POLR1A: variants seen among roughly 807,000 people sequenced by gnomAD.
POLR1A encodes the protein DNA-directed RNA polymerase I subunit RPA1.
POLR1A carries 84 observed loss-of-function variants against 205.3 expected under a neutral mutation model. The observed-to-expected ratio is 0.41, with a 90% CI of 0.34 to 0.49. The LOEUF is 0.49. Ranked by LOEUF, POLR1A falls within the 20% of genes least tolerant of loss-of-function variation. The pLI is 0.22. For missense variants in POLR1A, 1,645 were observed against 2,204.5 expected (o/e 0.75, Z 5.08); for synonymous variants, 799 against 863.7 (o/e 0.93, Z 1.31).
At chr2:86,055,673 A>G (rs1249998195) in intron 14 of POLR1A, among the ~76,000 whole-genome samples, 1 of 152,238 alleles carries the variant, frequency 6.6e-6, no homozygotes, top group African/African-American at 2.4e-5. Context: ...GGGCAGGGAA[A>G]TATGACCTGC....
chr2:86,065,731 C>A, intron 13 of POLR1A: 2 of 408,588 alleles, frequency 4.9e-6, no homozygotes, highest in African/African-American at 2.1e-5. Flanking sequence ...TTCCCCCGGC[C>A]TTCTCTGTTT....
chr2:86,027,658 G>A, intron 33 of POLR1A, 135 bp from the exon 34 acceptor site: 1 of 863,112 alleles, frequency 1.2e-6, no homozygotes, highest in Non-Finnish European at 1.9e-6. Context: ...GGGATCACGA[G>A]GCAGCCCCCC....
At chr2:86,078,030 A>G (rs1257729353) in intron 10 of POLR1A, 49 bp from the exon 11 acceptor site, 5 of 1,612,844 alleles carry the variant, frequency 3.1e-6, no homozygotes, top group South Asian at 1.1e-5. Flanking sequence ...GAATTCCAGT[A>G]GGCTTATTAG....
intron 26 of POLR1A, among the ~76,000 whole-genome samples, chr2:86,039,095 A>G (rs1046605323): frequency 8.5e-5 from 13 of 152,260 alleles, no homozygotes; most frequent in African/African-American, 3.1e-4. Context: ...CGGGTAGGCA[A>G]ACTCAGGAAA....
rs1672434962 is a variant in POLR1A at position 86,033,544 on chromosome 2, G to A, written c.4161+117C>T. 3.5e-6 allele frequency: 4 copies of A among 1,154,620 alleles called. No individual in the cohort carries two copies. In the South Asian group the frequency reaches 6.2e-5, roughly 18 times the overall value. 71.5% of individuals were successfully genotyped at this position (1,154,620 alleles called of 1,614,324 possible). A position where few individuals can be genotyped will look rare whatever the true frequency, so the allele number is the denominator to read the frequency against. ...GAACAGCAGGTAAAAGCTGAGATAG[G>A]TAGGAGATGGGCCAGCACCAGGATG... On this transcript the variant is annotated intron_variant, in intron 28 of 33. Transcript: ENST00000263857.
chr2:86,041,149 C>CTGTGTGTGTGTGTGTGTGTGTG (rs756415592), intron 24 of POLR1A, among the ~76,000 whole-genome samples: 13 of 122,352 alleles, frequency 1.1e-4, no homozygotes, highest in African/African-American at 3.2e-4. Flanking sequence ...CTGAGCTACA[C>CTGTGTGTGTGTGTGTGTGTGTG]TGTGTGTGTG....
intron 15 of POLR1A, 103 bp downstream of exon 15, chr2:86,054,037 T>C: frequency 1.7e-6 from 2 of 1,162,564 alleles, no homozygotes; most frequent in East Asian, 2.4e-5. Flanking sequence ...TGAGGCACAG[T>C]ACCTGCTTCT....
chr2:86,058,947 G>C (rs571125909), intron 14 of POLR1A, among the ~76,000 whole-genome samples: 1 of 151,868 alleles, frequency 6.6e-6, no homozygotes, highest in East Asian at 1.9e-4. Context: ...TGAAACACCA[G>C]CTCTACAATA....
At position 86,081,661 on chromosome 2, in the gene POLR1A, A is replaced by G; in HGVS notation, c.863T>C (p.Met288Thr). ...YLFSGMDDDG[M>T]ESRFNPSVFF... The stretch of plus-strand genomic sequence containing the variant: ...CACACTGGGATTGAATCTGGATTCC[A>G]TACCATCATCATCCATTCCCGAAAA... Residue 288 changes from methionine to threonine, a missense_variant, in exon 8 of 34, where the codon ATG becomes ACG. By Grantham distance (81) the Met-to-Thr change is moderately conservative. Around this residue, in one of 16 missense-constraint regions of POLR1A, gnomAD observed 330 missense variants for 375.6 expected, o/e 0.88. Transcript: ENST00000263857. The G allele has an allele frequency of 6.2e-7, 1 of 1,613,378 alleles. No homozygotes were observed. Among genetic ancestry groups the G allele is most frequent in the Non-Finnish European group, 8.5e-7 (1 of 1,179,706 alleles).
chr2:86,085,244 AGCCACCG>A (rs775108384), intron 6 of POLR1A, among the ~76,000 whole-genome samples: 92 of 152,274 alleles, frequency 6.0e-4, no homozygotes, highest in Non-Finnish European at 9.9e-4. Context: ...TACAAGTGTA[AGCCACCG>A]TGCCCGGCCC....
chr2:86,073,752 G>A (rs1673223555), intron 12 of POLR1A, among the ~76,000 whole-genome samples: 1 of 152,198 alleles, frequency 6.6e-6, no homozygotes, highest in Non-Finnish European at 1.5e-5. Context: ...TGCAGGGACT[G>A]CAAAGTGCTA....
intron 27 of POLR1A, among the ~76,000 whole-genome samples, chr2:86,034,963 C>T (rs984520334): frequency 2.0e-5 from 3 of 152,228 alleles, no homozygotes; most frequent in South Asian, 2.1e-4. Flanking sequence ...CTCCGCCTCC[C>T]GGATTCAAAC....
intron 16 of POLR1A, among the ~76,000 whole-genome samples, chr2:86,052,022 G>A (rs1353281538): frequency 6.6e-6 from 1 of 152,216 alleles, no homozygotes; most frequent in Non-Finnish European, 1.5e-5. Flanking sequence ...TCGGCTCACT[G>A]CAACCTCTGC....
chr2:86,067,316 T>C (rs1373612601), intron 13 of POLR1A, among the ~76,000 whole-genome samples: 5 of 152,226 alleles, frequency 3.3e-5, no homozygotes, highest in African/African-American at 1.2e-4. Context: ...TTAGGATGCT[T>C]TGTGAATAGG....
rs368369025 is a variant in POLR1A, at chr2:86,086,495, A to G, written c.730+2071T>C. Among the ~76,000 whole-genome samples the G allele has an allele frequency of 4.0e-4, 61 of 152,326 alleles. No individual in the cohort carries two copies. In the East Asian group the frequency reaches 6.6e-3, roughly 16 times the overall value. On this transcript the variant is annotated intron_variant, in intron 6 of 33. Coordinates refer to ENST00000263857, the MANE Select transcript of POLR1A (RefSeq NM_015425.6). Reference sequence around the variant, plus strand: ...CTCCCCAGGGTTACTGATCTGTGTCACTTGCAGCCCCTTCAGAGAGCAGAG... The same window carrying G: ...CTCCCCAGGGTTACTGATCTGTGTCGCTTGCAGCCCCTTCAGAGAGCAGAG...
chr2:86,044,874 C>T (rs1275260893), intron 21 of POLR1A, among the ~76,000 whole-genome samples: 2 of 152,196 alleles, frequency 1.3e-5, no homozygotes, highest in Non-Finnish European at 1.5e-5. Context: ...CTAGGTTTCC[C>T]CTCCTGCCAC....
intron 22 of POLR1A, 41 bp from the exon 23 acceptor site, chr2:86,043,236 CAT>C (rs765075462): frequency 2.8e-5 from 43 of 1,518,910 alleles, no homozygotes; most frequent in South Asian, 2.3e-5. Context: ...AAATCACACA[CAT>C]GAGATCAAAG....
At chr2:86,039,490 C>T in intron 25 of POLR1A, 28 bp from the exon 26 acceptor site, 2 of 1,613,766 alleles carry the variant, frequency 1.2e-6, no homozygotes, top group Non-Finnish European at 1.7e-6. Context: ...CACATCCAAT[C>T]ATGAGTGGCA....
At chr2:86,068,386 C>CGGGGGGGGCGGG (rs1553436018) in intron 13 of POLR1A, among the ~76,000 whole-genome samples, 2 of 12,240 alleles carry the variant, frequency 1.6e-4, no homozygotes, top group African/African-American at 9.0e-4. Flanking sequence ...AGCACATGGG[C>CGGGGGGGGCGGG]GGGGGGGGGG....
Sources: allele counts gnomAD v4.1 joint callset (sites outside exome capture counted in the v4.1 genomes callset), GRCh38; gene constraint gnomAD v4.1.1; regional missense constraint gnomAD v4.1.1; transcripts MANE v1.5; gene names NCBI Gene and HGNC (gene_info 2026-07-23, HGNC 2026-07-21).